The following COMMD10 variants were observed in gnomAD, a reference collection of about 807,000 sequenced individuals.
COMMD10 encodes COMM domain-containing protein 10.
In COMMD10, 33 loss-of-function variants were observed where a neutral mutation model predicts 28.9. The observed-to-expected ratio is 1.14, with a 90% CI of 0.87 to 1.53. COMMD10 has a LOEUF of 1.53. Ranked by LOEUF, COMMD10 falls within the 40% of genes most tolerant of loss-of-function variation. COMMD10 has a pLI of 0.00. For missense variants in COMMD10, 310 were observed against 233.4 expected (o/e 1.33, Z -2.14); for synonymous variants, 110 against 81.7 (o/e 1.35, Z -1.87).
In COMMD10 at chr5:116,208,373, G is replaced by A. The variant is rs73780884; in HGVS notation, c.510+74195G>A. Among the ~76,000 whole-genome samples the A allele has an allele frequency of 3.9e-3, 596 of 152,194 alleles. 7 individuals carry two copies. Among genetic ancestry groups the A allele is most frequent in the African/African-American group, 0.013 (544 of 41,516 alleles). On this transcript the variant is annotated intron_variant, in intron 5 of 6. Transcript: ENST00000274458. ...CCTGTAAGTCCATCACTTCTTGGAA[G>A]CTTCCTCATTTAACATCCCCTGTCT...
chr5:116,283,122 C>T (rs1450893959), intron 5 of COMMD10, among the ~76,000 whole-genome samples: 1 of 151,810 alleles, frequency 6.6e-6, no homozygotes, highest in Non-Finnish European at 1.5e-5. Context: ...CATATAAATG[C>T]TTTTATCTCA....
chr5:116,114,589 A>G (rs1433645142), intron 4 of COMMD10, among the ~76,000 whole-genome samples: 2 of 152,130 alleles, frequency 1.3e-5, no homozygotes, highest in African/African-American at 4.8e-5. Context: ...TGTCTCAGAG[A>G]GTAGGGCAAA....
At chr5:116,243,882 AAAG>A (rs1749874193) in intron 5 of COMMD10, among the ~76,000 whole-genome samples, 2 of 152,280 alleles carry the variant, frequency 1.3e-5, no homozygotes, top group South Asian at 4.1e-4. Flanking sequence ...TAACCTTAAA[AAAG>A]AGGAGCCAGA....
At chr5:116,266,475 A>C (rs1186040993) in intron 5 of COMMD10, among the ~76,000 whole-genome samples, 1 of 151,828 alleles carries the variant, frequency 6.6e-6, no homozygotes, top group Non-Finnish European at 1.5e-5. Context: ...ATTGTTTTTT[A>C]CATCTAATCT....
At chr5:116,286,695 T>C (rs944665042) in intron 5 of COMMD10, among the ~76,000 whole-genome samples, 3 of 151,856 alleles carry the variant, frequency 2.0e-5, no homozygotes, top group African/African-American at 7.3e-5. Context: ...TACTGGTTTG[T>C]AGTTTTATTC....
At chr5:116,134,722 C>T (rs1027440228) in intron 5 of COMMD10, among the ~76,000 whole-genome samples, 3 of 152,070 alleles carry the variant, frequency 2.0e-5, no homozygotes, top group African/African-American at 4.8e-5. Context: ...CTGGGGTTCA[C>T]GCCATTCTCC....
At chr5:116,143,337 A>G (rs1459866892) in intron 5 of COMMD10, among the ~76,000 whole-genome samples, 1 of 151,762 alleles carries the variant, frequency 6.6e-6, no homozygotes, top group African/African-American at 2.4e-5. Context: ...AATACACAAT[A>G]TTAATACACC....
intron 5 of COMMD10, among the ~76,000 whole-genome samples, chr5:116,250,604 C>G (rs955109928): frequency 1.3e-5 from 2 of 151,758 alleles, no homozygotes; most frequent in Non-Finnish European, 2.9e-5. Flanking sequence ...CAAAGAAAAT[C>G]AGAGAGACTT....
At chr5:116,284,591 G>A (rs1339369271) in intron 5 of COMMD10, among the ~76,000 whole-genome samples, 2 of 151,836 alleles carry the variant, frequency 1.3e-5, no homozygotes, top group Admixed American at 1.3e-4. Flanking sequence ...AATGACAGTG[G>A]TAGGCAGGAA....
At chr5:116,209,059 G>C (rs1485424902) in intron 5 of COMMD10, among the ~76,000 whole-genome samples, 10 of 151,762 alleles carry the variant, frequency 6.6e-5, no homozygotes, top group Admixed American at 5.9e-4. Flanking sequence ...CCTCTTCCAT[G>C]GCTATTCCAC....
chr5:116,154,745 T>C (rs994280361), intron 5 of COMMD10, among the ~76,000 whole-genome samples: 3 of 151,730 alleles, frequency 2.0e-5, no homozygotes, highest in Non-Finnish European at 2.9e-5. Context: ...TCTTTTTCTT[T>C]TTCTTTTTGC....
intron 5 of COMMD10, among the ~76,000 whole-genome samples, chr5:116,204,731 C>T (rs1023801015): frequency 2.6e-5 from 4 of 152,068 alleles, no homozygotes; most frequent in African/African-American, 9.7e-5. Context: ...TAACATTATA[C>T]TCCATTTTGA....
At chr5:116,182,443 A>G (rs570076012) in intron 5 of COMMD10, among the ~76,000 whole-genome samples, 35 of 152,092 alleles carry the variant, frequency 2.3e-4, no homozygotes, top group African/African-American at 7.0e-4. Flanking sequence ...AGCTGTTTTG[A>G]GAGAGTTTGA....
At chr5:116,230,923 G>A (rs138374661) in intron 5 of COMMD10, among the ~76,000 whole-genome samples, 1 of 151,984 alleles carries the variant, frequency 6.6e-6, no homozygotes, top group East Asian at 1.9e-4. Flanking sequence ...CTTCCTCCTG[G>A]CTTTCCATTG....
chr5:116,220,829 T>G (rs1315961889), intron 5 of COMMD10, among the ~76,000 whole-genome samples: 1 of 152,144 alleles, frequency 6.6e-6, no homozygotes, highest in Non-Finnish European at 1.5e-5. Context: ...AGGGACCATC[T>G]TTTAAATGAA....
At chr5:116,104,575 A>G (rs545650017) in intron 4 of COMMD10, among the ~76,000 whole-genome samples, 1 of 151,886 alleles carries the variant, frequency 6.6e-6, no homozygotes, top group Middle Eastern at 3.4e-3. Context: ...TAAATATACA[A>G]TCATGTCATC....
intron 5 of COMMD10, among the ~76,000 whole-genome samples, chr5:116,141,847 C>A (rs756563784): frequency 2.6e-4 from 40 of 151,668 alleles, no homozygotes; most frequent in Non-Finnish European, 4.0e-4. Context: ...TTTATTTGTT[C>A]ATTTAACTTT....
chr5:116,194,203 A>G (rs765490659), intron 5 of COMMD10, among the ~76,000 whole-genome samples: 3 of 152,106 alleles, frequency 2.0e-5, no homozygotes, highest in Non-Finnish European at 4.4e-5. Context: ...CTAAATGCCT[A>G]AATCCCTAAA....
intron 5 of COMMD10, among the ~76,000 whole-genome samples, chr5:116,176,487 G>A (rs1753516915): frequency 6.6e-6 from 1 of 151,988 alleles, no homozygotes; most frequent in Admixed American, 6.6e-5. Flanking sequence ...TCTGAGATGT[G>A]GGTTTACCAC....
Sources: gnomAD v4.1 joint callset for allele counts (sites outside exome capture counted in the v4.1 genomes callset) on GRCh38, gnomAD v4.1.1 for gene constraint, MANE v1.5 for transcripts, NCBI Gene and HGNC (gene_info 2026-07-23, HGNC 2026-07-21) for gene names.